DNAH8: variants seen among roughly 807,000 people sequenced by gnomAD.
DNAH8 encodes the protein dynein axonemal heavy chain 8.
In DNAH8, 382 loss-of-function variants were observed where a neutral mutation model predicts 562.1. The ratio of observed to expected loss-of-function variants is 0.68; its 90% confidence interval spans 0.63 to 0.74. DNAH8 has a LOEUF of 0.74. DNAH8 is among the 30% of genes least tolerant of loss of function. DNAH8 has a pLI of 0.00. For missense variants in DNAH8, 5,203 were observed against 5,620.4 expected, an observed-to-expected ratio of 0.93 and a Z score of 2.37; for synonymous variants, 1,881 against 1,919.4, an observed-to-expected ratio of 0.98 and a Z score of 0.52.
intron 41 of DNAH8, among the ~76,000 whole-genome samples, chr6:38,856,900 A>G (rs1776248109): frequency 6.6e-6 from 1 of 152,046 alleles, no homozygotes; most frequent in Non-Finnish European, 1.5e-5. Flanking sequence ...GCATGCTCAG[A>G]CCACTTTTAT....
At chr6:38,923,707 C>T in intron 72 of DNAH8, 2 of 365,062 alleles carry the variant, frequency 5.5e-6, no homozygotes, top group Non-Finnish European at 4.9e-6. Context: ...GAGCAAGGGA[C>T]AGGATGGGGG....
At position 39,000,719 on chromosome 6, in the gene DNAH8, A is replaced by G. The variant is rs550505071; in HGVS notation, c.13215-8095A>G. On this transcript the variant is annotated intron_variant, in intron 88 of 92. Transcript: ENST00000327475. Reference sequence around the variant, plus strand: ...TATAATTACTTCATTATATATTACAATGTAATAATAGTGGAAATAAAGTGC... The same window carrying G: ...TATAATTACTTCATTATATATTACAGTGTAATAATAGTGGAAATAAAGTGC... 2.0e-4 allele frequency among the ~76,000 whole-genome samples: 31 copies of G among 152,308 alleles called. No homozygotes were observed. The South Asian group carries it at 6.4e-3, about 32-fold the overall frequency.
rs142131036 is a variant in DNAH8, at chr6:38,752,801, T to C, written c.1407+2212T>C. 5.4e-3 allele frequency among the ~76,000 whole-genome samples: 826 copies of C among 152,300 alleles called. 5 individuals are homozygous for C. The highest frequency in any genetic ancestry group is 8.1e-3 in the Non-Finnish European group (550 of 68,024). On this transcript the variant is annotated intron_variant, in intron 9 of 92. Coordinates refer to ENST00000327475, the MANE Select transcript of DNAH8 (RefSeq NM_001206927.2). ...ATTTCTTACTGCCATGAGGAATCCA[T>C]TATCCATCAGGGAGCACCATGAGAG...
intron 33 of DNAH8, 45 bp downstream of exon 33, chr6:38,838,087 ACTAT>A (rs1483079593): frequency 2.5e-6 from 3 of 1,210,348 alleles, no homozygotes; most frequent in South Asian, 2.5e-5. Context: ...ATAATTAAAT[ACTAT>A]CTATTAGAAG....
In DNAH8 at chr6:38,851,717, C is replaced by T. The variant is rs1042956428; in HGVS notation, c.5466+43C>T. ...GTGATCTAACTTGCTTTTCCCACGA[C>T]ATACACAATGAAGAATAAAAGTGAA... is the stretch of plus-strand genomic sequence containing the variant. On this transcript the variant is annotated intron_variant, in intron 39 of 92. Transcript: ENST00000327475. 5.8e-6 allele frequency: 7 copies of T among 1,213,556 alleles called. No homozygotes were observed. The African/African-American group carries it at 1.1e-4, about 18-fold the overall frequency. 75.2% of individuals were successfully genotyped at this position (1,213,556 alleles called of 1,614,324 possible).
chr6:38,914,385 T>C (rs1041934397), intron 67 of DNAH8, among the ~76,000 whole-genome samples: 5 of 141,334 alleles, frequency 3.5e-5, no homozygotes, highest in Admixed American at 1.6e-4. Context: ...TGTGTGCTGC[T>C]TTTTCTCTTT....
chr6:38,920,784 C>T (rs1194152772), intron 70 of DNAH8, among the ~76,000 whole-genome samples: 1 of 152,198 alleles, frequency 6.6e-6, no homozygotes, highest in Non-Finnish European at 1.5e-5. Flanking sequence ...CAATTACCTA[C>T]TTCCTAACAC....
chr6:38,998,741 C>G (rs889995457), intron 88 of DNAH8, among the ~76,000 whole-genome samples: 12 of 152,176 alleles, frequency 7.9e-5, no homozygotes, highest in African/African-American at 2.9e-4. Context: ...CCCAGAACCA[C>G]CAAGCTACAA....
chr6:39,025,104 G>A (rs928802821), intron 91 of DNAH8, among the ~76,000 whole-genome samples: 2 of 152,058 alleles, frequency 1.3e-5, no homozygotes, highest in South Asian at 2.1e-4. Flanking sequence ...CTGTATCTTC[G>A]TTCTACCCTT....
At chr6:38,911,422 A>G in intron 65 of DNAH8, 46 bp from the exon 66 acceptor site, 1 of 1,332,858 alleles carries the variant, frequency 7.5e-7, no homozygotes, top group Non-Finnish European at 1.1e-6. Context: ...GTTTTATGGG[A>G]GTACGCACAA....
At chr6:38,956,367 C>T (rs1181320277) in intron 82 of DNAH8, among the ~76,000 whole-genome samples, 1 of 152,204 alleles carries the variant, frequency 6.6e-6, no homozygotes, top group Non-Finnish European at 1.5e-5. Flanking sequence ...CCATCATCCT[C>T]CAGCAGATCC....
chr6:38,738,924 T>C (rs1165052744), intron 7 of DNAH8, among the ~76,000 whole-genome samples: 1 of 152,184 alleles, frequency 6.6e-6, no homozygotes, highest in African/African-American at 2.4e-5. Context: ...ACACTTGGAA[T>C]TGTCAGATTT....
chr6:38,948,122 T>C (rs16891322), intron 80 of DNAH8, among the ~76,000 whole-genome samples: 6,972 of 152,150 alleles, frequency 0.046, 509 homozygotes, highest in African/African-American at 0.15. Flanking sequence ...TGTTCTGTTA[T>C]TAATTTATAC....
chr6:38,749,314 T>A (rs915057561), intron 8 of DNAH8, among the ~76,000 whole-genome samples: 1 of 150,832 alleles, frequency 6.6e-6, no homozygotes. Context: ...TAAGTGGGAG[T>A]TGAACAATGA....
intron 75 of DNAH8, 115 bp from the exon 76 acceptor site, chr6:38,931,696 T>C: frequency 1.7e-6 from 1 of 577,248 alleles, no homozygotes; most frequent in Non-Finnish European, 2.9e-6. Flanking sequence ...GTAACTTTCC[T>C]TCCCAATTTA....
chr6:38,895,908 A>G, intron 59 of DNAH8, 125 bp from the exon 60 acceptor site: 2 of 731,496 alleles, frequency 2.7e-6, no homozygotes, highest in South Asian at 3.7e-5. Context: ...AAAAGGCAGA[A>G]CATATTGTTT....
chr6:38,726,465 G>A (rs928158129), intron 3 of DNAH8, among the ~76,000 whole-genome samples: 1 of 152,216 alleles, frequency 6.6e-6, no homozygotes, highest in African/African-American at 2.4e-5. Context: ...TGCTATTCCT[G>A]GGGTATGTCT....
chr6:38,821,693 G>T (rs1401121511), intron 26 of DNAH8, among the ~76,000 whole-genome samples: 1 of 152,040 alleles, frequency 6.6e-6, no homozygotes, highest in Non-Finnish European at 1.5e-5. Context: ...CCTCCAAGTA[G>T]ATGGGACTAC....
intron 30 of DNAH8, among the ~76,000 whole-genome samples, chr6:38,829,078 C>T (rs926257858): frequency 6.6e-6 from 1 of 152,122 alleles, no homozygotes; most frequent in Non-Finnish European, 1.5e-5. Context: ...TTTCCTAATG[C>T]CTAATGAGAT....
Sources: allele counts gnomAD v4.1 joint callset (sites outside exome capture counted in the v4.1 genomes callset), GRCh38; gene constraint gnomAD v4.1.1; transcripts MANE v1.5; gene names NCBI Gene and HGNC (gene_info 2026-07-23, HGNC 2026-07-21).